Variants in MICU1 observed in about 807,000 individuals in gnomAD.
MICU1 encodes mitochondrial calcium uptake 1.
A neutral mutation model predicts 56.8 loss-of-function variants in MICU1; 45 were observed. The ratio of observed to expected loss-of-function variants is 0.79; its 90% CI spans 0.62 to 1.02. The LOEUF (loss-of-function observed/expected upper bound fraction) is 1.02. Ranked by LOEUF, MICU1 falls within the 50% of genes least tolerant of loss-of-function variation. The pLI is 0.00. For missense variants in MICU1, 504 were observed against 587.1 expected (o/e 0.86, Z 1.46); for synonymous variants, 186 against 195.1 (o/e 0.95, Z 0.39).
chr10:72,540,522 T>C (rs1160045323), intron 4 of MICU1, among the ~76,000 whole-genome samples: 1 of 151,664 alleles, frequency 6.6e-6, no homozygotes, highest in Non-Finnish European at 1.5e-5. Context: ...AAAAAAAAAA[T>C]TTAATTAGCT....
intron 1 of MICU1, among the ~76,000 whole-genome samples, chr10:72,623,727 T>A (rs1842166219): frequency 6.6e-6 from 1 of 152,070 alleles, no homozygotes; most frequent in Non-Finnish European, 1.5e-5. Flanking sequence ...TAGTTCCAGC[T>A]ACTTCGGAGG....
intron 9 of MICU1, 138 bp downstream of exon 9, chr10:72,423,096 G>T: frequency 8.7e-7 from 1 of 1,145,908 alleles, no homozygotes; most frequent in Non-Finnish European, 1.2e-6. Context: ...TTCTCCCTAC[G>T]GACCTCAGGT....
At position 72,622,250 on chromosome 10, in the gene MICU1, A is replaced by C. The variant is rs543342392; in HGVS notation, c.-2+3760T>G. Among the ~76,000 whole-genome samples the C allele has an allele frequency of 1.5e-4, 17 of 116,042 alleles. No individual in the cohort carries two copies. The East Asian group carries it at 1.5e-3, about 11-fold the overall frequency. 76.1% of individuals were successfully genotyped at this position (116,042 alleles called of 152,430 possible). A position where few individuals can be genotyped will look rare whatever the true frequency, so the allele number is the denominator to read the frequency against. ...AAGTTCTCTTAATTAAAAAAAAAAAAAAAACATGAAAATTATTTTAGTGAA... is the reference window on the plus strand; with the variant it reads ...AAGTTCTCTTAATTAAAAAAAAAAACAAAACATGAAAATTATTTTAGTGAA... On this transcript the variant is annotated intron_variant, in intron 1 of 11. Coordinates refer to ENST00000361114, the MANE Select transcript of MICU1 (RefSeq NM_001195518.2).
chr10:72,604,511 A>T (rs2132554159), intron 1 of MICU1, among the ~76,000 whole-genome samples: 1 of 151,580 alleles, frequency 6.6e-6, no homozygotes, highest in African/African-American at 2.4e-5. Context: ...GACCTCAGGC[A>T]ATCCGCCCAC....
chr10:72,580,435 C>T (rs1840866637), intron 1 of MICU1, among the ~76,000 whole-genome samples: 1 of 151,586 alleles, frequency 6.6e-6, no homozygotes, highest in Admixed American at 6.6e-5. Context: ...AGATTTTCAT[C>T]CAAGCTTTTG....
chr10:72,472,449 A>G (rs893620496), intron 8 of MICU1, among the ~76,000 whole-genome samples: 1 of 152,196 alleles, frequency 6.6e-6, no homozygotes, highest in African/African-American at 2.4e-5. Flanking sequence ...TTGAAGTCTA[A>G]GCACTTAACC....
intron 8 of MICU1, among the ~76,000 whole-genome samples, chr10:72,466,380 C>T (rs918806741): frequency 3.3e-5 from 5 of 152,224 alleles, no homozygotes; most frequent in East Asian, 1.9e-4. Context: ...CTACAGTTGA[C>T]GGCAGGTAAC....
At chr10:72,524,804 C>T (rs1373823731) in intron 5 of MICU1, 2 of 1,082,790 alleles carry the variant, frequency 1.8e-6, no homozygotes. Context: ...TATGAACAAA[C>T]TAATCAAATA....
At chr10:72,459,934 G>A (rs1181398046) in intron 8 of MICU1, among the ~76,000 whole-genome samples, 1 of 152,112 alleles carries the variant, frequency 6.6e-6, no homozygotes, top group Non-Finnish European at 1.5e-5. Flanking sequence ...TTGCCAAACT[G>A]CCAATTGCCA....
chr10:72,373,128 G>C (rs1310378230), intron 11 of MICU1, among the ~76,000 whole-genome samples: 1 of 150,964 alleles, frequency 6.6e-6, no homozygotes, highest in African/African-American at 2.4e-5. Context: ...TGATGAAGAA[G>C]TCTATTTGAA....
chr10:72,464,873 A>C (rs1304708687), intron 8 of MICU1, among the ~76,000 whole-genome samples: 2 of 152,202 alleles, frequency 1.3e-5, no homozygotes, highest in Non-Finnish European at 2.9e-5. Flanking sequence ...GCTCACCCTG[A>C]GAGCTAACCT....
intron 11 of MICU1, among the ~76,000 whole-genome samples, chr10:72,374,806 A>ATTTTT (rs1862461272): frequency 4.5e-5 from 5 of 112,276 alleles, no homozygotes; most frequent in African/African-American, 1.6e-4. Context: ...ATCTACTATT[A>ATTTTT]TCTTTTTTTT....
chr10:72,379,143 A>AAGG (rs1862622032), intron 10 of MICU1, among the ~76,000 whole-genome samples: 1 of 152,212 alleles, frequency 6.6e-6, no homozygotes, highest in African/African-American at 2.4e-5. Flanking sequence ...CTGTCCACAG[A>AAGG]AGGAACAGAA....
At chr10:72,490,068 G>A (rs1866602747) in intron 6 of MICU1, among the ~76,000 whole-genome samples, 1 of 152,136 alleles carries the variant, frequency 6.6e-6, no homozygotes, top group Admixed American at 6.5e-5. Flanking sequence ...GTGTTTGCAG[G>A]GAGGGACCAA....
At chr10:72,618,814 C>T (rs922819246) in intron 1 of MICU1, among the ~76,000 whole-genome samples, 5 of 152,162 alleles carry the variant, frequency 3.3e-5, no homozygotes, top group African/African-American at 9.7e-5. Flanking sequence ...TATGTGAGTA[C>T]TGGGCATCTG....
intron 1 of MICU1, among the ~76,000 whole-genome samples, chr10:72,572,837 C>T (rs1383790379): frequency 6.6e-6 from 1 of 152,006 alleles, no homozygotes; most frequent in African/African-American, 2.4e-5. Context: ...TGCAGAATGG[C>T]ACTACTGATG....
intron 8 of MICU1, among the ~76,000 whole-genome samples, chr10:72,459,850 A>G (rs1865591754): frequency 6.6e-6 from 1 of 152,212 alleles, no homozygotes; most frequent in Admixed American, 6.5e-5. Flanking sequence ...CATTTCTTTA[A>G]GCAAACCTAC....
chr10:72,566,039 C>CTTTTTTTTTTTTTTTTTTTTTTTT, intron 2 of MICU1, among the ~76,000 whole-genome samples: 1 of 69,840 alleles, frequency 1.4e-5, no homozygotes, highest in Non-Finnish European at 2.6e-5. Flanking sequence ...CATTCATTTT[C>CTTTTTTTTTTTTTTTTTTTTTTTT]TTTTTTTTTT....
chr10:72,557,367 A>G (rs763345614), intron 3 of MICU1, among the ~76,000 whole-genome samples: 21 of 151,868 alleles, frequency 1.4e-4, no homozygotes, highest in Non-Finnish European at 2.8e-4. Context: ...GCATTGAAAA[A>G]CCCTGTGGGG....
Sources: gnomAD v4.1 joint callset for allele counts (sites outside exome capture counted in the v4.1 genomes callset) on GRCh38, gnomAD v4.1.1 for gene constraint, MANE v1.5 for transcripts, NCBI Gene and HGNC (gene_info 2026-07-23, HGNC 2026-07-21) for gene names.